The following RAP1GAP variants were observed in gnomAD, a reference collection of about 807,000 sequenced individuals.
RAP1GAP encodes RAP1 GTPase activating protein.
RAP1GAP carries 35 observed loss-of-function variants against 87.2 expected under a neutral mutation model. That is an observed-to-expected ratio of 0.40 (90% CI 0.31 to 0.53). The LOEUF (loss-of-function observed/expected upper bound fraction) is 0.53. Among genes scored for constraint, RAP1GAP ranks in the 20% least tolerant of loss-of-function variants. The pLI is 0.48. For missense variants in RAP1GAP, 734 were observed against 898.9 expected, an observed-to-expected ratio of 0.82 and a Z score of 2.35; for synonymous variants, 375 against 363.9, an observed-to-expected ratio of 1.03 and a Z score of -0.35.
chr1:21,618,874 G>A, intron 5 of RAP1GAP, 151 bp downstream of exon 5: 1 of 859,674 alleles, frequency 1.2e-6, no homozygotes, highest in Non-Finnish European at 1.8e-6. Context: ...CCTGCTAGAA[G>A]CTGTGCCTCC....
chr1:21,627,948 G>A (rs1250083547), intron 2 of RAP1GAP, among the ~76,000 whole-genome samples: 1 of 152,210 alleles, frequency 6.6e-6, no homozygotes, highest in African/African-American at 2.4e-5. Context: ...GACACTGACT[G>A]GCTAGGTGAG....
chr1:21,619,095 T>TA (rs1570783587), intron 4 of RAP1GAP, 23 bp from the exon 5 acceptor site: 1 of 1,586,962 alleles, frequency 6.3e-7, no homozygotes, highest in African/African-American at 1.3e-5. Flanking sequence ...GCAGCACTGT[T>TA]ACACCCTCCC....
Position 21,597,174 on chromosome 1 carries a change from C to A in RAP1GAP, c.*125G>T, listed in dbSNP as rs578152126. The A allele has an allele frequency of 1.3e-5, 2 of 153,962 alleles. No homozygotes were observed. Among genetic ancestry groups the A allele is most frequent in the African/African-American group, 4.8e-5 (2 of 41,568 alleles). 9.5% of individuals were successfully genotyped at this position (153,962 alleles called of 1,614,324 possible). A position where few individuals can be genotyped will look rare whatever the true frequency, so the allele number is the denominator to read the frequency against. On this transcript the variant is annotated 3_prime_UTR_variant, in exon 25 of 25. Coordinates refer to ENST00000374765, the MANE Select transcript of RAP1GAP (RefSeq NM_002885.4). ...ATGGGGAGGGTGGGGAGGCAGGGGG[C>A]AGCCCACGGGCTGGTGTTGGTCTTC...
rs1296639448 is a variant in RAP1GAP at position 21,622,898 on chromosome 1, G to A, written c.-18-2848C>T. 2 of 152,236 alleles carry A rather than the reference G, an allele frequency of 1.3e-5. No homozygotes were observed. Among genetic ancestry groups the A allele is most frequent in the East Asian group, 3.9e-4 (2 of 5,182 alleles). The allele number at this position is 152,236 out of a possible 1,614,324, so 9.4% of individuals were successfully genotyped here. A position where few individuals can be genotyped will look rare whatever the true frequency, so the allele number is the denominator to read the frequency against. ...CTACTTAATGCTGGGCCCTTCGCAT[G>A]TGTCGTAATCTCGTCACAGCCCAGG... On this transcript the variant is annotated intron_variant, in intron 3 of 24. Coordinates refer to ENST00000374765, the MANE Select transcript of RAP1GAP (RefSeq NM_002885.4). The surrounding 1 kb of genome is among the most constrained non-coding windows in gnomAD (Gnocchi z 5.7).
At chr1:21,652,393 C>G (rs1322291956) in intron 1 of RAP1GAP, among the ~76,000 whole-genome samples, 1 of 152,136 alleles carries the variant, frequency 6.6e-6, no homozygotes, top group African/African-American at 2.4e-5. Flanking sequence ...CCCTGGCGTA[C>G]AGCAGATGCT....
At position 21,607,083 on chromosome 1, in the gene RAP1GAP, T is replaced by C. The variant is rs2075165006; in HGVS notation, c.1297-886A>G. Among the ~76,000 whole-genome samples, 5 of 152,190 alleles carry C rather than the reference T, an allele frequency of 3.3e-5. No individual in the cohort carries two copies. The South Asian group carries it at 1.0e-3, about 32-fold the overall frequency. ...ATTCCAACCCATAGCTCCAGCTGTG[T>C]GACCTGTCCTGGGTTGAGGGTGAGG... On this transcript the variant is annotated intron_variant, in intron 17 of 24. Coordinates refer to ENST00000374765, the MANE Select transcript of RAP1GAP (RefSeq NM_002885.4).
At chr1:21,641,074 A>ATTTTTTTTTTTTT (rs546229041) in intron 2 of RAP1GAP, among the ~76,000 whole-genome samples, 12 of 132,076 alleles carry the variant, frequency 9.1e-5, no homozygotes, top group East Asian at 2.3e-4. Flanking sequence ...CGCCCAGCTA[A>ATTTTTTTTTTTTT]TTTTTTTTTT....
intron 1 of RAP1GAP, among the ~76,000 whole-genome samples, chr1:21,656,153 C>T (rs1447504687): frequency 1.3e-5 from 2 of 152,188 alleles, no homozygotes; most frequent in Admixed American, 6.5e-5. Context: ...TAACAGTGGG[C>T]TGGGCGCGGT....
chr1:21,598,103 C>T (rs774116146), intron 22 of RAP1GAP, 39 bp from the exon 23 acceptor site: 20 of 1,343,988 alleles, frequency 1.5e-5, no homozygotes, highest in African/African-American at 2.9e-5. Flanking sequence ...TCACTGGCCG[C>T]GGGGAGGCAC....
At position 21,603,803 on chromosome 1, in the gene RAP1GAP, C is replaced by G; in HGVS notation, c.1429-890G>C. ...AGCAGAGAACAGCGCGTGCAGGCAG[C>G]CTCCAGAGCCGGCGGCCCCGCGGAC... On this transcript the variant is annotated intron_variant, in intron 18 of 24. Coordinates refer to ENST00000374765, the MANE Select transcript of RAP1GAP (RefSeq NM_002885.4). The surrounding 1 kb of genome is among the most constrained non-coding windows in gnomAD (Gnocchi z 6.0). The G allele has an allele frequency of 6.3e-7, 1 of 1,593,572 alleles. No homozygotes were observed. Among genetic ancestry groups the G allele is most frequent in the Non-Finnish European group, 8.6e-7 (1 of 1,162,256 alleles).
chr1:21,667,272 G>T (rs1029971118), intron 1 of RAP1GAP, among the ~76,000 whole-genome samples: 1 of 152,236 alleles, frequency 6.6e-6, no homozygotes, highest in Non-Finnish European at 1.5e-5. Context: ...AGGCCCTGCT[G>T]TGGGAGCCTG....
intron 4 of RAP1GAP, 43 bp downstream of exon 4, chr1:21,619,972 C>CCAGCA: frequency 6.2e-7 from 1 of 1,610,486 alleles, no homozygotes; most frequent in Non-Finnish European, 8.5e-7. Context: ...CCAGCCCAGC[C>CCAGCA]AGCTCTGTGG....
At chr1:21,598,286 C>T in intron 22 of RAP1GAP, 114 bp downstream of exon 22, 1 of 1,025,034 alleles carries the variant, frequency 9.8e-7, no homozygotes, top group South Asian at 1.5e-5. Flanking sequence ...TCCTCCAAGT[C>T]AGGGGCAGTC....
chr1:21,614,209 G>T, intron 7 of RAP1GAP, 120 bp from the exon 8 acceptor site: 1 of 646,036 alleles, frequency 1.5e-6, no homozygotes. Flanking sequence ...AGGTGTCACG[G>T]CTGATAGCAG....
chr1:21,643,724 C>G (rs966364606), intron 2 of RAP1GAP, among the ~76,000 whole-genome samples: 1 of 152,182 alleles, frequency 6.6e-6, no homozygotes, highest in Non-Finnish European at 1.5e-5. Flanking sequence ...GAAGGGAGAA[C>G]ATCCCCCTGC....
intron 2 of RAP1GAP, among the ~76,000 whole-genome samples, chr1:21,626,706 G>C (rs2092248000): frequency 6.6e-6 from 1 of 152,204 alleles, no homozygotes; most frequent in African/African-American, 2.4e-5. Context: ...TTGCTGTGGA[G>C]GGTGAGCTTT....
chr1:21,619,043 G>A lies in RAP1GAP; in HGVS notation c.48C>T (p.Ser16=). ...QGSRMDEQRC[S]FPPPLKTEED... is the part of the protein sequence containing the mutation. ...CACCTACTTTGAGGGGCGGCGGGAA[G>A]GAGCAGCGTTGTTCATCCATCCTGC... The change falls in exon 5 of 25, where the codon TCC becomes TCT. Residue 16 remains serine (S), a synonymous_variant. Transcript: ENST00000374765. 6.2e-7 allele frequency: 1 copy of A among 1,602,442 alleles called. No homozygotes were observed. Among genetic ancestry groups the A allele is most frequent in the South Asian group, 1.1e-5 (1 of 88,852 alleles).
intron 2 of RAP1GAP, among the ~76,000 whole-genome samples, chr1:21,631,130 T>C (rs1453387260): frequency 6.6e-6 from 1 of 152,152 alleles, no homozygotes; most frequent in African/African-American, 2.4e-5. Flanking sequence ...GTCTTCTCCA[T>C]TCAGTTCACA....
intron 5 of RAP1GAP, 139 bp downstream of exon 5, chr1:21,618,886 C>T (rs1158192660): frequency 6.0e-6 from 6 of 994,656 alleles, no homozygotes; most frequent in Non-Finnish European, 8.9e-6. Flanking sequence ...TGTGCCTCCC[C>T]CCCTACCCCC....
Sources: gnomAD v4.1 joint callset for allele counts (sites outside exome capture counted in the v4.1 genomes callset) on GRCh38, gnomAD v4.1.1 for gene constraint, Gnocchi (gnomAD v3.1) non-coding constraint, MANE v1.5 for transcripts, NCBI Gene and HGNC (gene_info 2026-07-23, HGNC 2026-07-21) for gene names.